GABRA3: variants seen among roughly 807,000 people sequenced by gnomAD.
GABRA3 encodes the protein gamma-aminobutyric acid receptor subunit alpha-3.
Under a neutral mutation model 30.1 loss-of-function variants are expected in GABRA3, and 10 were observed. The ratio of observed to expected loss-of-function variants is 0.33; its 90% CI spans 0.20 to 0.56. GABRA3 has a LOEUF of 0.56. Ranked by LOEUF, GABRA3 falls within the 20% of genes least tolerant of loss-of-function variation. The probability of loss-of-function intolerance (pLI) is 0.89; values close to 1 mark genes in which losing one functional copy is unlikely to be tolerated. For synonymous variants in GABRA3, 151 were observed against 146.8 expected, an observed-to-expected ratio of 1.03 and a Z score of -0.21; for missense variants, 233 against 392.0, an observed-to-expected ratio of 0.59 and a Z score of 3.42.
At chrX:152,352,255 T>C (rs1199585406) in intron 2 of GABRA3, among the ~76,000 whole-genome samples, 3 of 111,594 alleles carry the variant, frequency 2.7e-5, no homozygotes, top group Non-Finnish European at 5.7e-5. Flanking sequence ...TCAAATGAGG[T>C]ATGCCTGTAT....
At chrX:152,170,963 A>C (rs1033008694) in intron 9 of GABRA3, among the ~76,000 whole-genome samples, 1 of 112,108 alleles carries the variant, frequency 8.9e-6, no homozygotes, top group African/African-American at 3.2e-5. Flanking sequence ...AATTATTTAA[A>C]TACTACATGG....
intron 3 of GABRA3, among the ~76,000 whole-genome samples, chrX:152,332,661 C>A (rs775564949): frequency 8.9e-6 from 1 of 111,796 alleles, no homozygotes; most frequent in Non-Finnish European, 1.9e-5. Context: ...CTGGAACAAC[C>A]GGCAGAGAAC....
chrX:152,299,587 G>C (rs1300040064), intron 3 of GABRA3, among the ~76,000 whole-genome samples: 1 of 111,831 alleles, frequency 8.9e-6, no homozygotes, highest in African/African-American at 3.3e-5. Context: ...GGTCAGTGTA[G>C]AAGCAACCAC....
chrX:152,388,549 A>G (rs747259038), intron 1 of GABRA3, among the ~76,000 whole-genome samples: 6 of 112,309 alleles, frequency 5.3e-5, no homozygotes, highest in African/African-American at 1.9e-4. Context: ...CACTATTCCA[A>G]GAACACTACT....
intron 3 of GABRA3, among the ~76,000 whole-genome samples, chrX:152,337,874 T>A (rs1940257505): frequency 9.0e-6 from 1 of 111,647 alleles, no homozygotes; most frequent in South Asian, 3.8e-4. Flanking sequence ...ATTTTGTAAT[T>A]TTCCGTGGCT....
chrX:152,235,757 T>C (rs1938190051), intron 5 of GABRA3, among the ~76,000 whole-genome samples: 1 of 111,139 alleles, frequency 9.0e-6, no homozygotes, highest in African/African-American at 3.3e-5. Context: ...TTGAAAGAAT[T>C]CATATTATTA....
intron 4 of GABRA3, among the ~76,000 whole-genome samples, chrX:152,259,601 C>A (rs983309673): frequency 5.4e-5 from 6 of 111,501 alleles, no homozygotes; most frequent in Admixed American, 3.8e-4. Flanking sequence ...CAGGCCCTAA[C>A]TCCCAGGTGA....
intron 5 of GABRA3, among the ~76,000 whole-genome samples, chrX:152,230,741 A>G (rs1345546662): frequency 9.0e-6 from 1 of 111,224 alleles, no homozygotes. Flanking sequence ...TTTCTAGGAG[A>G]ATTTAATATA....
chrX:152,396,184 G>A, intron 1 of GABRA3, among the ~76,000 whole-genome samples: 1 of 111,694 alleles, frequency 9.0e-6, no homozygotes, highest in Middle Eastern at 4.7e-3. Context: ...ATATGACAAT[G>A]AAGTTAGAGA....
chrX:152,271,386 T>C (rs991793851), intron 4 of GABRA3, among the ~76,000 whole-genome samples: 6 of 112,193 alleles, frequency 5.3e-5, no homozygotes, highest in Non-Finnish European at 1.1e-4. Flanking sequence ...AAGATAATTC[T>C]TGCTATGCTT....
Position 152,190,135 on chromosome X carries a change from T to C in GABRA3, c.932-194A>G, listed in dbSNP as rs1368630147. ...CCACCTAGTAACCAGCCCATCCCAATTGGCAGAAGACTATATAGGCATCTG... is the reference window on the plus strand; with the variant it reads ...CCACCTAGTAACCAGCCCATCCCAACTGGCAGAAGACTATATAGGCATCTG... On this transcript the variant is annotated intron_variant, in intron 8 of 9. Coordinates refer to ENST00000370314, the MANE Select transcript of GABRA3 (RefSeq NM_000808.4). Among the ~76,000 whole-genome samples, 5 of 111,635 alleles carry C rather than the reference T, an allele frequency of 4.5e-5. No homozygotes were observed. The East Asian group carries it at 1.4e-3, about 32-fold the overall frequency.
At chrX:152,444,905 C>T (rs1299825127) in intron 1 of GABRA3, among the ~76,000 whole-genome samples, 2 of 94,039 alleles carry the variant, frequency 2.1e-5, no homozygotes, top group Admixed American at 2.4e-4. Flanking sequence ...ACTAAAAATA[C>T]AAAAAATTAG....
rs1209157069 is a variant in GABRA3, at chrX:152,287,768, C to A, written c.263-3033G>T. 5.4e-5 allele frequency among the ~76,000 whole-genome samples: 6 copies of A among 110,199 alleles called. No individual in the cohort carries two copies. In the East Asian group the frequency reaches 1.4e-3, roughly 27 times the overall value. ...CTCCAATCCTCTTCTAAGTACCTTTCTTCTATTTCTTTTTTTTCTTCCATC... is the reference window on the plus strand; with the variant it reads ...CTCCAATCCTCTTCTAAGTACCTTTATTCTATTTCTTTTTTTTCTTCCATC... On this transcript the variant is annotated intron_variant, in intron 3 of 9. Coordinates refer to ENST00000370314, the MANE Select transcript of GABRA3 (RefSeq NM_000808.4).
At chrX:152,172,194 A>G (rs1937011895) in intron 9 of GABRA3, among the ~76,000 whole-genome samples, 1 of 112,065 alleles carries the variant, frequency 8.9e-6, no homozygotes, top group Non-Finnish European at 1.9e-5. Flanking sequence ...ATGGCCAACA[A>G]TCACATGAAA....
At chrX:152,448,744 T>C (rs1373674571) in intron 1 of GABRA3, among the ~76,000 whole-genome samples, 1 of 111,977 alleles carries the variant, frequency 8.9e-6, no homozygotes, top group East Asian at 2.8e-4. Context: ...ATTAGAAAAT[T>C]TCATAATTTT....
intron 1 of GABRA3, among the ~76,000 whole-genome samples, chrX:152,449,422 T>C (rs1376691200): frequency 8.9e-6 from 1 of 112,120 alleles, no homozygotes; most frequent in African/African-American, 3.2e-5. Flanking sequence ...TATTCTAAAA[T>C]TTTCGGCACA....
At chrX:152,205,298 A>T (rs909712690) in intron 7 of GABRA3, among the ~76,000 whole-genome samples, 18 of 111,508 alleles carry the variant, frequency 1.6e-4, no homozygotes, top group Admixed American at 9.6e-5. Flanking sequence ...TCAGAACAGC[A>T]GTTTGTCAAT....
chrX:152,380,873 T>A (rs936968423), intron 1 of GABRA3, among the ~76,000 whole-genome samples: 4 of 111,810 alleles, frequency 3.6e-5, no homozygotes, highest in African/African-American at 1.3e-4. Context: ...ATGCCCAGTG[T>A]GGCAGTGTTG....
rs1043653974 is a variant in GABRA3, at chrX:152,231,277, A to G, written c.552-6432T>C. On this transcript the variant is annotated intron_variant, in intron 5 of 9. Transcript: ENST00000370314. ...CGTATATGTATATATACACGTATAT[A>G]TGTATACATATACGTGTATATATAC... 1.4e-4 allele frequency among the ~76,000 whole-genome samples: 14 copies of G among 101,500 alleles called. 1 individual carries two copies. Among genetic ancestry groups the G allele is most frequent in the Non-Finnish European group, 2.5e-4 (12 of 48,045 alleles). 88.1% of individuals were successfully genotyped at this position (101,500 alleles called of 115,157 possible). A position where few individuals can be genotyped will look rare whatever the true frequency, so the allele number is the denominator to read the frequency against.
Sources: allele counts gnomAD v4.1 joint callset (sites outside exome capture counted in the v4.1 genomes callset), GRCh38; gene constraint gnomAD v4.1.1; transcripts MANE v1.5; gene names NCBI Gene and HGNC (gene_info 2026-07-23, HGNC 2026-07-21).